The following PLGRKT variants were observed in gnomAD, a reference collection of about 807,000 sequenced individuals.
PLGRKT encodes plasminogen receptor (KT).
A neutral mutation model predicts 18.5 loss-of-function variants in PLGRKT; 22 were observed. The ratio of observed to expected loss-of-function variants is 1.19; its 90% CI spans 0.85 to 1.70. The LOEUF is 1.70. Ranked by LOEUF, PLGRKT falls within the 40% of genes most tolerant of loss-of-function variation. The probability of loss-of-function intolerance (pLI) is 0.00; values close to 1 mark genes in which losing one functional copy is unlikely to be tolerated. For synonymous variants in PLGRKT, 72 were observed against 52.8 expected (o/e 1.36, Z -1.58); for missense variants, 235 against 174.4 (o/e 1.35, Z -1.96).
At chr9:5,427,526 T>G (rs1444157924) in intron 3 of PLGRKT, among the ~76,000 whole-genome samples, 2 of 152,232 alleles carry the variant, frequency 1.3e-5, no homozygotes, top group South Asian at 4.1e-4. Context: ...ATTACTCTAT[T>G]TTTATTAGTA....
intron 3 of PLGRKT, among the ~76,000 whole-genome samples, chr9:5,366,678 G>A (rs959003395): frequency 1.3e-5 from 2 of 152,054 alleles, no homozygotes; most frequent in Non-Finnish European, 2.9e-5. Context: ...CATTCCCCTT[G>A]AAAACTAGAA....
intron 3 of PLGRKT, among the ~76,000 whole-genome samples, chr9:5,426,613 T>C (rs1818706720): frequency 6.6e-6 from 1 of 152,196 alleles, no homozygotes; most frequent in East Asian, 1.9e-4. Flanking sequence ...AAGAAAAACC[T>C]AGTCACCTTA....
intron 3 of PLGRKT, among the ~76,000 whole-genome samples, chr9:5,404,334 T>A (rs1457186813): frequency 6.6e-6 from 1 of 152,112 alleles, no homozygotes; most frequent in Non-Finnish European, 1.5e-5. Flanking sequence ...AAAAGAAAAC[T>A]TCAGGCCAAT....
At chr9:5,376,595 C>A (rs10758684) in intron 3 of PLGRKT, among the ~76,000 whole-genome samples, 110,544 of 152,096 alleles carry the variant, frequency 0.73, 41,404 homozygotes, top group African/African-American at 0.91. Context: ...TTTCCAGCAG[C>A]ATCAGCACTC....
At chr9:5,404,925 CAA>C (rs1818227174) in intron 3 of PLGRKT, among the ~76,000 whole-genome samples, 2 of 152,132 alleles carry the variant, frequency 1.3e-5, no homozygotes, top group African/African-American at 4.8e-5. Flanking sequence ...GCAACTTCAG[CAA>C]AGTCTGAGGA....
Position 5,408,979 on chromosome 9 carries a change from G to C in PLGRKT, c.81+22918C>G, listed in dbSNP as rs78868764. 8.2e-3 allele frequency among the ~76,000 whole-genome samples: 1,246 copies of C among 152,352 alleles called. 17 individuals carry two copies. The highest frequency in any genetic ancestry group is 0.028 in the African/African-American group (1,154 of 41,580). On this transcript the variant is annotated intron_variant, in intron 3 of 5. Coordinates refer to ENST00000223864, the MANE Select transcript of PLGRKT (RefSeq NM_018465.4). ...GATGCTAAGCCTGTGAGTATGCAGC[G>C]GATAAGAGTTGAGGCTTGGGAGCCT...
chr9:5,383,999 A>G (rs892506002), intron 3 of PLGRKT, among the ~76,000 whole-genome samples: 7 of 152,210 alleles, frequency 4.6e-5, no homozygotes, highest in African/African-American at 1.7e-4. Flanking sequence ...AGGTGTAGGC[A>G]TCCATTTACA....
chr9:5,434,908 T>A (rs1818929801), intron 2 of PLGRKT, among the ~76,000 whole-genome samples: 1 of 151,694 alleles, frequency 6.6e-6, no homozygotes, highest in African/African-American at 2.4e-5. Context: ...GAAAGAGAGA[T>A]CAGATTGTTA....
At chr9:5,404,287 C>A (rs1818213702) in intron 3 of PLGRKT, among the ~76,000 whole-genome samples, 2 of 152,184 alleles carry the variant, frequency 1.3e-5, no homozygotes, top group South Asian at 2.1e-4. Flanking sequence ...AGGACAGCAT[C>A]ATCCCGATAC....
At chr9:5,432,081 A>G in intron 2 of PLGRKT, 98 bp from the exon 3 acceptor site, 1 of 616,122 alleles carries the variant, frequency 1.6e-6, no homozygotes, top group East Asian at 2.8e-5. Flanking sequence ...CAAAGTAAAA[A>G]AAAAAAGTAA....
At chr9:5,372,427 C>A (rs897985061) in intron 3 of PLGRKT, among the ~76,000 whole-genome samples, 4 of 152,244 alleles carry the variant, frequency 2.6e-5, no homozygotes, top group African/African-American at 9.6e-5. Context: ...GGAATCCATC[C>A]TAAACAGTAG....
intron 3 of PLGRKT, among the ~76,000 whole-genome samples, chr9:5,374,081 C>T (rs187828344): frequency 4.9e-4 from 74 of 152,290 alleles, no homozygotes; most frequent in Admixed American, 9.8e-4. Context: ...TTGCTGATGA[C>T]GTCTACATTC....
intron 3 of PLGRKT, among the ~76,000 whole-genome samples, chr9:5,387,007 G>C (rs1405995391): frequency 6.6e-6 from 1 of 151,896 alleles, no homozygotes; most frequent in Non-Finnish European, 1.5e-5. Flanking sequence ...GATGGGTGAT[G>C]GCAAACGGAC....
At chr9:5,374,860 T>C (rs1817598029) in intron 3 of PLGRKT, among the ~76,000 whole-genome samples, 1 of 152,166 alleles carries the variant, frequency 6.6e-6, no homozygotes. Context: ...TTTTAGAAAA[T>C]ACCATTAATT....
chr9:5,414,623 C>T (rs894193423), intron 3 of PLGRKT, among the ~76,000 whole-genome samples: 3 of 152,050 alleles, frequency 2.0e-5, no homozygotes, highest in African/African-American at 4.8e-5. Flanking sequence ...CTGAAGGAGC[C>T]GGGAGAAACT....
rs79523945 is a variant in PLGRKT at position 5,389,085 on chromosome 9, A to G, written c.82-27197T>C. Among the ~76,000 whole-genome samples, 479 of 152,014 alleles carry G rather than the reference A, an allele frequency of 3.2e-3. 13 individuals carry two copies. Among genetic ancestry groups the G allele is most frequent in the African/African-American group, 0.01 (432 of 41,292 alleles). On this transcript the variant is annotated intron_variant, in intron 3 of 5. Transcript: ENST00000223864. ...AGAGAGGACTTAACATAGGACATGG[A>G]CTTGTGTTAGATATTTGGAGGAGGG...
At chr9:5,394,627 G>A (rs900826752) in intron 3 of PLGRKT, among the ~76,000 whole-genome samples, 2 of 151,720 alleles carry the variant, frequency 1.3e-5, no homozygotes, top group Non-Finnish European at 2.9e-5. Context: ...TGGTCAGGCT[G>A]GTCTCAACCT....
chr9:5,435,321 TAA>T (rs61099125), intron 2 of PLGRKT, among the ~76,000 whole-genome samples: 6 of 127,736 alleles, frequency 4.7e-5, no homozygotes, highest in African/African-American at 6.0e-5. Flanking sequence ...CAATAAATAC[TAA>T]AAAAAAAAAA....
At chr9:5,431,521 G>A (rs1270820473) in intron 3 of PLGRKT, among the ~76,000 whole-genome samples, 1 of 126,050 alleles carries the variant, frequency 7.9e-6, no homozygotes, top group Non-Finnish European at 1.6e-5. Flanking sequence ...GCAACACAGT[G>A]AGACTCTCTC....
Sources: allele counts gnomAD v4.1 joint callset (sites outside exome capture counted in the v4.1 genomes callset), GRCh38; gene constraint gnomAD v4.1.1; transcripts MANE v1.5; gene names NCBI Gene and HGNC (gene_info 2026-07-23, HGNC 2026-07-21).